The following MARK1 variants were observed in gnomAD, a reference collection of about 807,000 sequenced individuals.
MARK1 encodes microtubule affinity regulating kinase 1, also known as serine/threonine-protein kinase MARK1.
In MARK1, 40 loss-of-function variants were observed where a neutral mutation model predicts 96.3. The ratio of observed to expected loss-of-function variants is 0.42; its 90% CI spans 0.32 to 0.54. MARK1 has a LOEUF of 0.54. MARK1 is among the 20% of genes least tolerant of loss of function. The probability of loss-of-function intolerance (pLI) is 0.16; values close to 1 mark genes in which losing one functional copy is unlikely to be tolerated. For missense variants in MARK1, 719 were observed against 984.6 expected, an observed-to-expected ratio of 0.73 and a Z score of 3.61; for synonymous variants, 317 against 341.2, an observed-to-expected ratio of 0.93 and a Z score of 0.78.
intron 13 of MARK1, among the ~76,000 whole-genome samples, chr1:220,646,913 G>A (rs1231774495): frequency 2.0e-5 from 3 of 152,008 alleles, no homozygotes; most frequent in Non-Finnish European, 4.4e-5. Flanking sequence ...TCAAGATGGA[G>A]TAAAGACTTA....
chr1:220,560,385 A>G (rs889795897), intron 1 of MARK1, among the ~76,000 whole-genome samples: 3 of 152,160 alleles, frequency 2.0e-5, no homozygotes, highest in South Asian at 2.1e-4. Flanking sequence ...TGTTCTTCCC[A>G]TGGATCTTAA....
At chr1:220,555,716 T>TATCCATATGGAGATGTCATAC (rs1662201133) in intron 1 of MARK1, among the ~76,000 whole-genome samples, 1 of 152,224 alleles carries the variant, frequency 6.6e-6, no homozygotes, top group South Asian at 2.1e-4. Flanking sequence ...GCCTATTCGA[T>TATCCATATGGAGATGTCATAC]ATCCATATGG....
chr1:220,625,608 G>C (rs1667279150), intron 9 of MARK1: 1 of 212,148 alleles, frequency 4.7e-6, no homozygotes, highest in African/African-American at 2.3e-5. Flanking sequence ...AAACATTCTA[G>C]GCAAATATCC....
intron 13 of MARK1, among the ~76,000 whole-genome samples, chr1:220,646,263 C>A (rs577477668): frequency 4.8e-4 from 73 of 152,142 alleles, no homozygotes; most frequent in African/African-American, 1.5e-3. Flanking sequence ...TTTACACCAA[C>A]AACAGGCAAG....
At chr1:220,659,335 GT>G (rs561955824) in intron 17 of MARK1, among the ~76,000 whole-genome samples, 163 of 152,210 alleles carry the variant, frequency 1.1e-3, no homozygotes, top group Non-Finnish European at 1.9e-3. Context: ...CTATAATAAG[GT>G]TCTGTCATTT....
chr1:220,653,106 C>G lies in MARK1; in HGVS notation c.1742C>G (p.Thr581Ser). ...DGSEAYRPGT[T>S]QRVPAASPSA... ...ATCTTAATTTGTCCCAGCAGTACAA[C>G]CCAGAGAGTGCCTGCTGCTTCCCCA... is the stretch of plus-strand genomic sequence containing the variant. Residue 581 changes from threonine to serine, a missense_variant, in exon 16 of 18, where the codon ACC (threonine) becomes AGC (serine). Transcript: ENST00000366917. 1 of 1,614,170 alleles carries G rather than the reference C, an allele frequency of 6.2e-7. No homozygotes were observed. Among genetic ancestry groups the G allele is most frequent in the Non-Finnish European group, 8.5e-7 (1 of 1,180,028 alleles).
At chr1:220,648,176 C>T (rs190488747) in intron 13 of MARK1, among the ~76,000 whole-genome samples, 1,807 of 151,710 alleles carry the variant, frequency 0.012, 22 homozygotes, top group Middle Eastern at 0.037. Context: ...TGTATATAAA[C>T]TTATGGTATA....
At chr1:220,545,449 T>TG (rs1400915156) in intron 1 of MARK1, among the ~76,000 whole-genome samples, 1 of 146,920 alleles carries the variant, frequency 6.8e-6, no homozygotes, top group African/African-American at 2.5e-5. Flanking sequence ...GTTTTTTTTT[T>TG]TTTTTTTTTT....
chr1:220,543,164 A>G (rs1488145755), intron 1 of MARK1, among the ~76,000 whole-genome samples: 2 of 152,242 alleles, frequency 1.3e-5, no homozygotes, highest in Non-Finnish European at 2.9e-5. Flanking sequence ...TCATAATTAA[A>G]TAAATGCAAG....
chr1:220,612,931 A>G (rs1202535226), intron 6 of MARK1, among the ~76,000 whole-genome samples: 2 of 152,146 alleles, frequency 1.3e-5, no homozygotes, highest in Non-Finnish European at 1.5e-5. Flanking sequence ...GAAAAAAAAA[A>G]GTCGTAATAT....
At position 220,663,989 on chromosome 1, in the gene MARK1, G is replaced by C. The variant is rs950868461; in HGVS notation, c.*1823G>C. 4 of 152,536 alleles carry C rather than the reference G, an allele frequency of 2.6e-5. No individual in the cohort carries two copies. Among genetic ancestry groups the C allele is most frequent in the Non-Finnish European group, 5.9e-5 (4 of 67,994 alleles). The allele number at this position is 152,536 out of a possible 1,614,324, so 9.4% of individuals were successfully genotyped here. ...AAGTATTCTGTATGAGGAGTTTATT[G>C]TATGTGTTCTAAATTTAGTTGGCAA... On this transcript the variant is annotated 3_prime_UTR_variant, in exon 18 of 18. Transcript: ENST00000366917.
At chr1:220,619,334 C>T (rs552952708) in intron 9 of MARK1, among the ~76,000 whole-genome samples, 3 of 152,036 alleles carry the variant, frequency 2.0e-5, no homozygotes, top group Non-Finnish European at 4.4e-5. Context: ...ATTAGCTGGA[C>T]GAGGTGGCAC....
chr1:220,623,806 A>G (rs1321584481), intron 9 of MARK1, among the ~76,000 whole-genome samples: 3 of 152,184 alleles, frequency 2.0e-5, no homozygotes, highest in African/African-American at 7.2e-5. Flanking sequence ...TGTGCTTAGT[A>G]AAAGAAGGGT....
chr1:220,619,150 C>G (rs1489821777), intron 9 of MARK1, among the ~76,000 whole-genome samples: 3 of 152,204 alleles, frequency 2.0e-5, no homozygotes, highest in Non-Finnish European at 4.4e-5. Context: ...ATGAATATTT[C>G]ACAGCTATAT....
chr1:220,642,843 G>C (rs1668359435), intron 13 of MARK1, among the ~76,000 whole-genome samples: 1 of 152,148 alleles, frequency 6.6e-6, no homozygotes, highest in Non-Finnish European at 1.5e-5. Flanking sequence ...TGGACCCCCA[G>C]AAAACTGCAG....
chr1:220,569,349 T>A (rs190883928), intron 1 of MARK1, among the ~76,000 whole-genome samples: 1,527 of 152,204 alleles, frequency 0.01, 30 homozygotes, highest in Non-Finnish European at 0.011. Flanking sequence ...GAGAGTTTTT[T>A]AAAAAATCAA....
Position 220,579,568 on chromosome 1 carries a change from A to AC in MARK1, c.255+12dup, listed in dbSNP as rs760469692. ...CTAACTGGTAGAGAGGTAAGTTTGC[A>AC]CAATGCCTTTTAATATCTGCCTGGA... On this transcript the variant is annotated intron_variant, in intron 2 of 17. Coordinates refer to ENST00000366917, the MANE Select transcript of MARK1 (RefSeq NM_018650.5). 51 of 1,611,874 alleles carry AC rather than the reference A, an allele frequency of 3.2e-5. No homozygotes were observed. In the African/African-American group the frequency reaches 6.3e-4, roughly 20 times the overall value.
chr1:220,622,926 G>C (rs1287114212), intron 9 of MARK1, among the ~76,000 whole-genome samples: 1 of 152,262 alleles, frequency 6.6e-6, no homozygotes, highest in Non-Finnish European at 1.5e-5. Flanking sequence ...TAAGTATAGA[G>C]TGTATATTTC....
intron 1 of MARK1, among the ~76,000 whole-genome samples, chr1:220,552,327 C>T (rs965369722): frequency 1.8e-4 from 27 of 152,204 alleles, no homozygotes; most frequent in Non-Finnish European, 2.2e-4. Flanking sequence ...AACAGCTATT[C>T]CCATTTCTAT....
Sources: allele counts gnomAD v4.1 joint callset (sites outside exome capture counted in the v4.1 genomes callset), GRCh38; gene constraint gnomAD v4.1.1; transcripts MANE v1.5; gene names NCBI Gene and HGNC (gene_info 2026-07-23, HGNC 2026-07-21).